Variants in AKAP13 observed in about 807,000 individuals in gnomAD.
The protein encoded by AKAP13 is A-kinase anchor protein 13.
In AKAP13, 80 loss-of-function variants were observed where a neutral mutation model predicts 264.5. The observed-to-expected ratio is 0.30, with a 90% CI of 0.25 to 0.36. The LOEUF (loss-of-function observed/expected upper bound fraction) is 0.36. Ranked by LOEUF, AKAP13 falls within the 10% of genes least tolerant of loss-of-function variation. The pLI is 1.00. For synonymous variants in AKAP13, 1,380 were observed against 1,250.2 expected (o/e 1.10, Z -2.19); for missense variants, 3,712 against 3,435.2 (o/e 1.08, Z -2.01).
At chr15:85,509,450 C>G (rs770585723) in intron 2 of AKAP13, among the ~76,000 whole-genome samples, 19 of 152,186 alleles carry the variant, frequency 1.2e-4, no homozygotes, top group Admixed American at 2.0e-4. Flanking sequence ...ACCAACAGAA[C>G]AGGATAGCTC....
At chr15:85,551,686 A>G (rs1298690353) in intron 5 of AKAP13, among the ~76,000 whole-genome samples, 1 of 152,256 alleles carries the variant, frequency 6.6e-6, no homozygotes, top group Non-Finnish European at 1.5e-5. Context: ...CAGAGTGGTC[A>G]GAGTTGTGAA....
intron 1 of AKAP13, among the ~76,000 whole-genome samples, chr15:85,460,680 A>G (rs1280256703): frequency 6.6e-6 from 1 of 152,238 alleles, no homozygotes; most frequent in East Asian, 1.9e-4. Flanking sequence ...AGGAATCTTT[A>G]AAAGCAGAGA....
chr15:85,553,102 T>TTTTGG (rs2078020576), intron 5 of AKAP13, among the ~76,000 whole-genome samples: 3 of 149,508 alleles, frequency 2.0e-5, no homozygotes, highest in East Asian at 2.0e-4. Context: ...TTTTTTTTTT[T>TTTTGG]GGAGACGGAG....
intron 1 of AKAP13, among the ~76,000 whole-genome samples, chr15:85,456,940 A>G (rs1438807430): frequency 6.6e-6 from 1 of 152,196 alleles, no homozygotes; most frequent in Non-Finnish European, 1.5e-5. Context: ...TCCATTCAAT[A>G]CAATAACAGT....
intron 5 of AKAP13, among the ~76,000 whole-genome samples, chr15:85,548,535 C>T (rs1460879936): frequency 1.3e-5 from 2 of 152,110 alleles, no homozygotes; most frequent in African/African-American, 4.8e-5. Context: ...CACTGAGTCT[C>T]ATGTTTCCCC....
At chr15:85,398,140 G>A (rs976402591) in intron 1 of AKAP13, among the ~76,000 whole-genome samples, 3 of 152,074 alleles carry the variant, frequency 2.0e-5, no homozygotes, top group Non-Finnish European at 4.4e-5. Flanking sequence ...GAGTTGAAAC[G>A]AGTAATGATG....
At chr15:85,737,665 C>T (rs2088640088) in intron 33 of AKAP13, among the ~76,000 whole-genome samples, 1 of 152,104 alleles carries the variant, frequency 6.6e-6, no homozygotes, top group African/African-American at 2.4e-5. Flanking sequence ...CAAACCTGAG[C>T]TTATGGAAGC....
At chr15:85,585,631 A>G in intron 7 of AKAP13, 71 bp from the exon 8 acceptor site, 3 of 1,593,014 alleles carry the variant, frequency 1.9e-6, no homozygotes, top group Middle Eastern at 3.3e-4. Context: ...AACCTGGAGC[A>G]TGTTGTATGA....
intron 8 of AKAP13, among the ~76,000 whole-genome samples, chr15:85,609,307 A>G (rs2080494479): frequency 6.6e-6 from 1 of 151,954 alleles, no homozygotes; most frequent in Admixed American, 6.6e-5. Flanking sequence ...CCACTGTTGT[A>G]CTCTTTATTT....
In AKAP13 at chr15:85,723,211, A is replaced by G. The variant is rs776244296; in HGVS notation, c.6636A>G (p.Ser2212=). 1 of 1,614,202 alleles carries G rather than the reference A, an allele frequency of 6.2e-7. No homozygotes were observed. Among genetic ancestry groups the G allele is most frequent in the Non-Finnish European group, 8.5e-7 (1 of 1,180,028 alleles). Reference sequence around the variant, plus strand: ...TTTATACAAAGACAGATAGCAAGTCAATCATGAGGATGAAGAGTGGTCAGA... The same window carrying G: ...TTTATACAAAGACAGATAGCAAGTCGATCATGAGGATGAAGAGTGGTCAGA... ...NEIYTKTDSK[S]IMRMKSGQMF... is the part of the protein sequence containing the mutation. The change falls in exon 26 of 37, where the codon TCA becomes TCG. Residue 2212 remains serine, a synonymous_variant. Transcript: ENST00000394518.
chr15:85,547,802 C>A (rs2077808691), intron 5 of AKAP13, among the ~76,000 whole-genome samples: 1 of 152,060 alleles, frequency 6.6e-6, no homozygotes, highest in Admixed American at 6.6e-5. Flanking sequence ...TCTCTTATTT[C>A]CCTTTCTTTA....
At chr15:85,380,977 C>T (rs2083388379) in intron 1 of AKAP13, among the ~76,000 whole-genome samples, 179 bp downstream of exon 1, 2 of 152,088 alleles carry the variant, frequency 1.3e-5, no homozygotes, top group African/African-American at 4.8e-5. Flanking sequence ...GCCGGGACCT[C>T]AGGTCTGCGG....
At chr15:85,713,145 T>C (rs1170096037) in intron 19 of AKAP13, among the ~76,000 whole-genome samples, 4 of 152,210 alleles carry the variant, frequency 2.6e-5, no homozygotes, top group Admixed American at 1.3e-4. Flanking sequence ...AACAGCAATA[T>C]TGAGTCACTT....
At chr15:85,478,207 C>T (rs2075238050) in intron 1 of AKAP13, among the ~76,000 whole-genome samples, 1 of 152,164 alleles carries the variant, frequency 6.6e-6, no homozygotes, top group Non-Finnish European at 1.5e-5. Context: ...TAACTTAGTA[C>T]ATGTAATATT....
Position 85,418,161 on chromosome 15 carries a change from A to T in AKAP13, c.-12+37363A>T, listed in dbSNP as rs573995010. ...CAGGATCATAGGTCACTGCAGTCTC[A>T]ATCTCCTGGGCTCAAGGGACCCTCC... On this transcript the variant is annotated intron_variant, in intron 1 of 36. Coordinates refer to ENST00000394518, the MANE Select transcript of AKAP13 (RefSeq NM_007200.5). Among the ~76,000 whole-genome samples, 5 of 151,298 alleles carry T rather than the reference A, an allele frequency of 3.3e-5. 1 individual carries two copies. In the East Asian group the frequency reaches 5.8e-4, roughly 18 times the overall value.
chr15:85,642,414 G>A (rs187197261), intron 9 of AKAP13, among the ~76,000 whole-genome samples: 1 of 152,322 alleles, frequency 6.6e-6, no homozygotes, highest in African/African-American at 2.4e-5. Context: ...ACTTAGATAT[G>A]CCGCTCCCCT....
In AKAP13 at chr15:85,735,541, A is replaced by C. The variant is rs760485524; in HGVS notation, c.7442-19A>C. The C allele has an allele frequency of 5.5e-5, 85 of 1,547,594 alleles. No homozygotes were observed. Among genetic ancestry groups the C allele is most frequent in the South Asian group, 8.3e-5 (7 of 84,228 alleles). The stretch of plus-strand genomic sequence containing the variant: ...GTTTCACAACTTTAAAAAAAAAAAC[A>C]ACCCTATTTTTTGTTTAGGAGGCGA... On this transcript the variant is annotated intron_variant, in intron 31 of 36. Transcript: ENST00000394518.
chr15:85,486,353 T>C (rs539466733), intron 2 of AKAP13, among the ~76,000 whole-genome samples: 2 of 152,338 alleles, frequency 1.3e-5, no homozygotes, highest in Non-Finnish European at 2.9e-5. Context: ...TTTATTCCTA[T>C]GTTTTCATCT....
chr15:85,613,705 T>TGTATAC, intron 8 of AKAP13, among the ~76,000 whole-genome samples: 1 of 124,776 alleles, frequency 8.0e-6, no homozygotes, highest in African/African-American at 2.9e-5. Context: ...TATATATATA[T>TGTATAC]ATATATATTA....
Sources: allele counts gnomAD v4.1 joint callset (sites outside exome capture counted in the v4.1 genomes callset), GRCh38; gene constraint gnomAD v4.1.1; transcripts MANE v1.5; gene names NCBI Gene and HGNC (gene_info 2026-07-23, HGNC 2026-07-21).